Variants in XYLT1 observed in about 807,000 individuals in gnomAD.
The protein encoded by XYLT1 is beta-D-xylosyltransferase 1.
Under a neutral mutation model 91.3 loss-of-function variants are expected in XYLT1, and 36 were observed. The observed-to-expected ratio is 0.39, with a 90% CI of 0.30 to 0.52. The LOEUF is 0.52. Among genes scored for constraint, XYLT1 ranks in the 20% least tolerant of loss-of-function variants. The pLI, the probability that XYLT1 is intolerant of heterozygous loss-of-function variation, is 0.68. For synonymous variants in XYLT1, 588 were observed against 532.0 expected (o/e 1.11, Z -1.45); for missense variants, 1,242 against 1,284.5 (o/e 0.97, Z 0.51).
chr16:17,329,145 C>T (rs906301875), intron 2 of XYLT1, among the ~76,000 whole-genome samples: 2 of 152,172 alleles, frequency 1.3e-5, no homozygotes, highest in Non-Finnish European at 1.5e-5. Context: ...TAGACGAGTA[C>T]GTAACAAATG....
rs932558733 is a variant in XYLT1 at position 17,379,730 on chromosome 16, C to A, written c.364-21680G>T. Among the ~76,000 whole-genome samples the A allele has an allele frequency of 7.6e-5, 7 of 92,422 alleles. No individual in the cohort carries two copies. In the East Asian group the frequency reaches 1.4e-3, roughly 18 times the overall value. The allele number at this position is 92,422 out of a possible 152,430, so 60.6% of individuals were successfully genotyped here. A position where few individuals can be genotyped will look rare whatever the true frequency, so the allele number is the denominator to read the frequency against. ...TCCACATCTATGAAATGAAGGATAT[C>A]TCTCTCTCTCTCTCTCTCTCTCTCT... On this transcript the variant is annotated intron_variant, in intron 1 of 11. Coordinates refer to ENST00000261381, the MANE Select transcript of XYLT1 (RefSeq NM_022166.4).
chr16:17,366,049 C>G (rs2035450258), intron 1 of XYLT1, among the ~76,000 whole-genome samples: 1 of 145,418 alleles, frequency 6.9e-6, no homozygotes, highest in Non-Finnish European at 1.5e-5. Flanking sequence ...GTGGATGCTT[C>G]AAGCTGGTTT....
At chr16:17,382,669 T>C (rs1246929751) in intron 1 of XYLT1, among the ~76,000 whole-genome samples, 1 of 151,810 alleles carries the variant, frequency 6.6e-6, no homozygotes, top group Non-Finnish European at 1.5e-5. Flanking sequence ...TGCCTCTGAA[T>C]GCCCCCTTAT....
Position 17,470,856 on chromosome 16 carries a change from G to A in XYLT1, c.-60C>T. ...CCCCGGCACGCTCCGGGCCGCCCCC[G>A]CGCTCCCCGCAGCTCCCGCGGCCGC... On this transcript the variant is annotated 5_prime_UTR_variant, in exon 1 of 12. Coordinates refer to ENST00000261381, the MANE Select transcript of XYLT1 (RefSeq NM_022166.4). The A allele has an allele frequency of 1.0e-6, 1 of 982,482 alleles. No individual in the cohort carries two copies. The highest frequency in any genetic ancestry group is 1.2e-6 in the Non-Finnish European group (1 of 829,258). The allele number at this position is 982,482 out of a possible 1,614,324, so 60.9% of individuals were successfully genotyped here.
At chr16:17,200,320 A>G (rs1207284687) in intron 4 of XYLT1, among the ~76,000 whole-genome samples, 162 bp downstream of exon 4, 1 of 152,218 alleles carries the variant, frequency 6.6e-6, no homozygotes, top group Non-Finnish European at 1.5e-5. Flanking sequence ...ACATAGAGAC[A>G]GCACTCTAGG....
intron 2 of XYLT1, among the ~76,000 whole-genome samples, chr16:17,284,384 T>C (rs997649123): frequency 6.6e-6 from 1 of 152,216 alleles, no homozygotes; most frequent in Non-Finnish European, 1.5e-5. Context: ...CCTGCCCTAA[T>C]GGAACTTACA....
intron 1 of XYLT1, among the ~76,000 whole-genome samples, chr16:17,411,853 T>C (rs746163556): frequency 6.6e-6 from 1 of 152,212 alleles, no homozygotes; most frequent in Non-Finnish European, 1.5e-5. Flanking sequence ...AGAGTTACCT[T>C]ACTGACTGAT....
chr16:17,244,030 T>C (rs1309531670), intron 3 of XYLT1, among the ~76,000 whole-genome samples: 1 of 152,176 alleles, frequency 6.6e-6, no homozygotes, highest in Non-Finnish European at 1.5e-5. Flanking sequence ...ATGCCAGTAG[T>C]ACCCCCTTTC....
At chr16:17,331,240 C>A (rs566360063) in intron 2 of XYLT1, among the ~76,000 whole-genome samples, 2 of 152,212 alleles carry the variant, frequency 1.3e-5, no homozygotes, top group Non-Finnish European at 2.9e-5. Context: ...CCGCCTTGAC[C>A]ATGCCGGCCT....
At chr16:17,229,817 T>C (rs1012626538) in intron 3 of XYLT1, among the ~76,000 whole-genome samples, 1 of 152,202 alleles carries the variant, frequency 6.6e-6, no homozygotes, top group Non-Finnish European at 1.5e-5. Context: ...CAAAATCATG[T>C]CCACTCAGAA....
intron 3 of XYLT1, among the ~76,000 whole-genome samples, chr16:17,252,118 T>C (rs569082906): frequency 6.8e-6 from 1 of 146,280 alleles, no homozygotes; most frequent in East Asian, 1.9e-4. Flanking sequence ...GGTGCAAAAG[T>C]AATTGCAGAA....
intron 3 of XYLT1, chr16:17,249,692 A>G (rs2033506071): frequency 6.5e-6 from 1 of 153,142 alleles, no homozygotes; most frequent in Admixed American, 6.5e-5. Context: ...GTTTTGAGAT[A>G]AAGTCTTGCT....
chr16:17,188,160 G>C lies in XYLT1; in HGVS notation c.1289+10052C>G, dbSNP rs796710364. 2.0e-5 allele frequency among the ~76,000 whole-genome samples: 3 copies of C among 152,172 alleles called. No individual in the cohort carries two copies. The South Asian group carries it at 6.2e-4, about 32-fold the overall frequency. ...CTGCCTGGAGGTTTGGAGAATAGGG[G>C]GCTCTGTGGATGTGGCTCTGGGGTC... On this transcript the variant is annotated intron_variant, in intron 5 of 11. Transcript: ENST00000261381.
chr16:17,398,779 G>A (rs1435477994), intron 1 of XYLT1, among the ~76,000 whole-genome samples: 4 of 148,232 alleles, frequency 2.7e-5, no homozygotes, highest in Non-Finnish European at 6.0e-5. Context: ...CCTTCACAAA[G>A]TGTCCTCCCT....
intron 10 of XYLT1, among the ~76,000 whole-genome samples, chr16:17,126,415 A>G (rs1247586354): frequency 6.6e-6 from 1 of 152,170 alleles, no homozygotes; most frequent in Non-Finnish European, 1.5e-5. Context: ...GATGCCAGTA[A>G]TTTATGGAAT....
intron 2 of XYLT1, among the ~76,000 whole-genome samples, chr16:17,339,547 T>C (rs1242742136): frequency 6.6e-6 from 1 of 152,226 alleles, no homozygotes; most frequent in East Asian, 1.9e-4. Flanking sequence ...ATATATACTT[T>C]GACGGCTGTA....
intron 7 of XYLT1, among the ~76,000 whole-genome samples, chr16:17,139,400 C>G (rs1410787072): frequency 6.6e-6 from 1 of 152,030 alleles, no homozygotes; most frequent in Non-Finnish European, 1.5e-5. Context: ...GAACAGAGAC[C>G]CTGGAGTATA....
intron 1 of XYLT1, among the ~76,000 whole-genome samples, chr16:17,396,467 T>C (rs1200419165): frequency 6.6e-6 from 1 of 152,086 alleles, no homozygotes; most frequent in African/African-American, 2.4e-5. Context: ...AATGAAGGGG[T>C]TGGAACAGCT....
At chr16:17,150,320 G>A (rs904395066) in intron 6 of XYLT1, among the ~76,000 whole-genome samples, 2 of 152,184 alleles carry the variant, frequency 1.3e-5, no homozygotes, top group Non-Finnish European at 2.9e-5. Context: ...ACAGTAGCTG[G>A]AAGATCAAGA....
Sources: gnomAD v4.1 joint callset for allele counts (sites outside exome capture counted in the v4.1 genomes callset) on GRCh38, gnomAD v4.1.1 for gene constraint, MANE v1.5 for transcripts, NCBI Gene and HGNC (gene_info 2026-07-23, HGNC 2026-07-21) for gene names.